The following RANBP2 variants were observed in gnomAD, a reference collection of about 807,000 sequenced individuals.
RANBP2 encodes RAN binding protein 2, also known as E3 SUMO-protein ligase RanBP2.
In RANBP2, 57 loss-of-function variants were observed where a neutral mutation model predicts 303.6. That is an observed-to-expected ratio of 0.19 (90% CI 0.15 to 0.23). The LOEUF is 0.23. Ranked by LOEUF, RANBP2 falls within the 10% of genes least tolerant of loss-of-function variation. RANBP2 has a pLI of 1.00. For synonymous variants in RANBP2, 1,167 were observed against 1,301.5 expected (o/e 0.90, Z 2.23); for missense variants, 3,138 against 3,780.8 (o/e 0.83, Z 4.46).
At chr2:109,056,870 C>T in the RANBP2 span, among the ~76,000 whole-genome samples, 1 of 152,192 alleles carries the variant, frequency 6.6e-6, no homozygotes, top group African/African-American at 2.4e-5. Flanking sequence ...CTCCCAAGAC[C>T]AAAGTGAAGG....
At chr2:109,620,262 A>G in the RANBP2 span, among the ~76,000 whole-genome samples, 2 of 152,222 alleles carry the variant, frequency 1.3e-5, no homozygotes, top group African/African-American at 2.4e-5. Flanking sequence ...TTTTTTATAT[A>G]ACATGGCTCT....
chr2:109,186,333 G>A, the RANBP2 span, among the ~76,000 whole-genome samples: 278 of 152,356 alleles, frequency 1.8e-3, no homozygotes, highest in African/African-American at 5.8e-3. Context: ...CCATCCTGCA[G>A]ATGAAAATGC....
the RANBP2 span, among the ~76,000 whole-genome samples, chr2:109,353,903 CT>C: frequency 1.3e-5 from 2 of 152,288 alleles, no homozygotes; most frequent in Admixed American, 6.5e-5. Context: ...TGAGGGGCCC[CT>C]GCCTCCCTCT....
chr2:109,368,298 G>C, the RANBP2 span, among the ~76,000 whole-genome samples: 6 of 152,140 alleles, frequency 3.9e-5, no homozygotes, highest in South Asian at 1.2e-3. Flanking sequence ...TTTTGCTGTA[G>C]CCAAATCTTT....
the RANBP2 span, among the ~76,000 whole-genome samples, chr2:109,414,353 G>A: frequency 8.5e-5 from 13 of 152,142 alleles, no homozygotes; most frequent in African/African-American, 3.1e-4. Flanking sequence ...ATGTCTTGGG[G>A]ACTCTGTCCT....
rs1427447180 is a variant in RANBP2 at position 108,785,019 on chromosome 2, A to G, written c.*1118A>G. Reference sequence around the variant, plus strand: ...TGGCCTACTCAATATGGAACTACAAAGAATCCAGGTAGAACACAAAATTTT... The same window carrying G: ...TGGCCTACTCAATATGGAACTACAAGGAATCCAGGTAGAACACAAAATTTT... On this transcript the variant is annotated 3_prime_UTR_variant, in exon 29 of 29. Coordinates refer to ENST00000283195, the MANE Select transcript of RANBP2 (RefSeq NM_006267.5). 6.6e-6 allele frequency: 1 copy of G among 152,256 alleles called. No individual in the cohort carries two copies. The highest frequency in any genetic ancestry group is 2.4e-5 in the African/African-American group (1 of 41,478). 9.4% of individuals were successfully genotyped at this position (152,256 alleles called of 1,614,324 possible). A position where few individuals can be genotyped will look rare whatever the true frequency, so the allele number is the denominator to read the frequency against.
chr2:108,882,690 T>G, the RANBP2 span: 1 of 152,296 alleles, frequency 6.6e-6, no homozygotes, highest in Non-Finnish European at 1.5e-5. Context: ...CATGCCCTTC[T>G]GATGTCCACA....
intron 1 of RANBP2, among the ~76,000 whole-genome samples, chr2:108,726,772 A>T (rs62151249): frequency 6.6e-5 from 10 of 151,146 alleles, no homozygotes; most frequent in South Asian, 2.1e-4. Flanking sequence ...TAGGCAGAGG[A>T]CCCTGCAGCC....
At chr2:109,117,531 G>A in the RANBP2 span, among the ~76,000 whole-genome samples, 10 of 152,186 alleles carry the variant, frequency 6.6e-5, no homozygotes, top group South Asian at 8.3e-4. Context: ...TCCAGGTGCC[G>A]TTTGTCACCC....
chr2:109,093,689 A>G, the RANBP2 span, among the ~76,000 whole-genome samples: 1 of 152,232 alleles, frequency 6.6e-6, no homozygotes, highest in Non-Finnish European at 1.5e-5. Flanking sequence ...TATACAAGCT[A>G]TATGTATTTA....
At chr2:109,472,794 G>A in the RANBP2 span, among the ~76,000 whole-genome samples, 1 of 152,162 alleles carries the variant, frequency 6.6e-6, no homozygotes, top group African/African-American at 2.4e-5. Context: ...CAGAAAGCCA[G>A]CCAGACGCCC....
At chr2:109,023,471 G>T in the RANBP2 span, among the ~76,000 whole-genome samples, 3 of 152,194 alleles carry the variant, frequency 2.0e-5, no homozygotes, top group Admixed American at 1.3e-4. Flanking sequence ...TTTGCTGTCA[G>T]CCCTAACTGT....
At chr2:109,472,192 A>G in the RANBP2 span, among the ~76,000 whole-genome samples, 1 of 152,256 alleles carries the variant, frequency 6.6e-6, no homozygotes, top group South Asian at 2.1e-4. Flanking sequence ...AGCAGTCCCC[A>G]GTTAAAAATT....
the RANBP2 span, among the ~76,000 whole-genome samples, chr2:109,456,529 G>A: frequency 6.6e-6 from 1 of 152,236 alleles, no homozygotes; most frequent in African/African-American, 2.4e-5. Flanking sequence ...CAGTGGGGCA[G>A]GGCAGTGGCC....
At chr2:108,875,309 T>TA in the RANBP2 span, among the ~76,000 whole-genome samples, 3 of 69,800 alleles carry the variant, frequency 4.3e-5, no homozygotes, top group African/African-American at 1.6e-4. Context: ...CCCTAAAACT[T>TA]AAAGTATAAT....
At chr2:108,720,027 C>T (rs1173553289) in intron 1 of RANBP2, 4 of 985,146 alleles carry the variant, frequency 4.1e-6, no homozygotes, top group African/African-American at 1.7e-5. Flanking sequence ...GCTTGGGCAC[C>T]CGGGTGCTGT....
At chr2:109,650,383 GC>G in the RANBP2 span, among the ~76,000 whole-genome samples, 1 of 152,314 alleles carries the variant, frequency 6.6e-6, no homozygotes, top group South Asian at 2.1e-4. Context: ...GTGTCCAAAA[GC>G]CAGGACCACC....
At chr2:109,018,998 A>T in the RANBP2 span, among the ~76,000 whole-genome samples, 1 of 152,230 alleles carries the variant, frequency 6.6e-6, no homozygotes, top group Admixed American at 6.5e-5. Context: ...CCAAAAATGC[A>T]TTTAGGACGT....
At chr2:109,701,600 C>T in the RANBP2 span, among the ~76,000 whole-genome samples, 30 of 152,162 alleles carry the variant, frequency 2.0e-4, no homozygotes, top group African/African-American at 7.2e-4. Flanking sequence ...AACAATAGGG[C>T]AGAAGAAGCA....
Sources: allele counts gnomAD v4.1 joint callset (sites outside exome capture counted in the v4.1 genomes callset), GRCh38; gene constraint gnomAD v4.1.1; transcripts MANE v1.5; gene names NCBI Gene and HGNC (gene_info 2026-07-23, HGNC 2026-07-21).